Variants in CDK17 observed in about 807,000 individuals in gnomAD.
The protein encoded by CDK17 is cyclin-dependent kinase 17.
In CDK17, 24 loss-of-function variants were observed where a neutral mutation model predicts 77.6. The ratio of observed to expected loss-of-function variants is 0.31; its 90% CI spans 0.22 to 0.44. CDK17 has a LOEUF of 0.44. CDK17 is among the 20% of genes least tolerant of loss of function. The pLI is 1.00. For missense variants in CDK17, 429 were observed against 622.5 expected (o/e 0.69, Z 3.31); for synonymous variants, 203 against 210.4 (o/e 0.96, Z 0.30).
chr12:96,280,662 C>A (rs561399124), intron 16 of CDK17, 146 bp downstream of exon 16: 2 of 1,433,704 alleles, frequency 1.4e-6, no homozygotes, highest in Non-Finnish European at 1.8e-6. Flanking sequence ...AAAGTGAGTA[C>A]GTGCAATGCT....
At chr12:96,303,536 GC>G (rs1008341861) in intron 5 of CDK17, 3 of 151,984 alleles carry the variant, frequency 2.0e-5, no homozygotes, top group Non-Finnish European at 2.9e-5. Flanking sequence ...TAATATAAGA[GC>G]CCCCTTAATG....
At chr12:96,305,263 T>C (rs1191692102) in intron 5 of CDK17, among the ~76,000 whole-genome samples, 2 of 152,210 alleles carry the variant, frequency 1.3e-5, no homozygotes, top group Non-Finnish European at 2.9e-5. Context: ...CTAAATGTAA[T>C]GTGGTATCCT....
intron 1 of CDK17, among the ~76,000 whole-genome samples, chr12:96,392,046 G>A (rs1190362567): frequency 6.6e-6 from 1 of 151,828 alleles, no homozygotes; most frequent in East Asian, 1.9e-4. Context: ...AAGAAATACA[G>A]AAATGAAAAA....
chr12:96,368,874 T>C (rs1227873199), intron 1 of CDK17, among the ~76,000 whole-genome samples: 6 of 134,802 alleles, frequency 4.5e-5, no homozygotes, highest in Admixed American at 8.6e-5. Flanking sequence ...AAACCCTAGG[T>C]AACTACAAAG....
At chr12:96,298,826 T>C in intron 7 of CDK17, 43 bp downstream of exon 7, 1 of 1,031,686 alleles carries the variant, frequency 9.7e-7, no homozygotes, top group East Asian at 2.4e-5. Context: ...TAGACACTTA[T>C]TCCACCACTT....
At chr12:96,386,837 C>A in intron 1 of CDK17, 1 of 162,346 alleles carries the variant, frequency 6.2e-6, no homozygotes. Context: ...GAGACATTAC[C>A]ACCAGGACCC....
rs372691382 is a variant in CDK17, at chr12:96,300,394, CTTT to C, written c.544-37_544-35del. On this transcript the variant is annotated intron_variant, in intron 5 of 16. Coordinates refer to ENST00000261211, the MANE Select transcript of CDK17 (RefSeq NM_002595.5). Reference sequence around the variant, plus strand: ...TAAACAATGAAAAATGTAGTATTTACTTTTTTTTTTTTTTTTTGAGACAGCATC... The same window carrying C: ...TAAACAATGAAAAATGTAGTATTTACTTTTTTTTTTTTTTGAGACAGCATC... The C allele has an allele frequency of 6.7e-3, 6,075 of 907,806 alleles. 23 individuals carry two copies. The highest frequency in any genetic ancestry group is 0.013 in the Admixed American group (515 of 38,204). 56.2% of individuals were successfully genotyped at this position (907,806 alleles called of 1,614,324 possible).
At chr12:96,302,851 T>C (rs947536129) in intron 5 of CDK17, among the ~76,000 whole-genome samples, 2 of 152,134 alleles carry the variant, frequency 1.3e-5, no homozygotes, top group African/African-American at 2.4e-5. Flanking sequence ...ATTTGAATAA[T>C]CAGTCTATAA....
chr12:96,287,232 C>T (rs982858424), intron 11 of CDK17, among the ~76,000 whole-genome samples: 4 of 151,998 alleles, frequency 2.6e-5, no homozygotes, highest in East Asian at 1.9e-4. Context: ...TGATTCAAGA[C>T]GTTTTGATGC....
At chr12:96,326,197 T>C (rs769745528) in intron 2 of CDK17, among the ~76,000 whole-genome samples, 9 of 152,030 alleles carry the variant, frequency 5.9e-5, no homozygotes, top group Non-Finnish European at 1.0e-4. Flanking sequence ...TTCTGGAGAA[T>C]ATAGAAAAAA....
At chr12:96,285,305 A>G (rs925284828) in intron 13 of CDK17, among the ~76,000 whole-genome samples, 3 of 152,184 alleles carry the variant, frequency 2.0e-5, no homozygotes, top group Non-Finnish European at 4.4e-5. Context: ...TTTTGGTGTC[A>G]TAACTGTTTT....
At chr12:96,346,586 C>A (rs150462765) in intron 1 of CDK17, among the ~76,000 whole-genome samples, 157 of 151,252 alleles carry the variant, frequency 1.0e-3, no homozygotes, top group African/African-American at 3.4e-3. Context: ...CAAGATTCCA[C>A]CACTGCACTC....
At position 96,297,324 on chromosome 12, in the gene CDK17, G is replaced by C; in HGVS notation, c.819C>G (p.Asp273Glu). Residue 273 changes from aspartate to glutamate, a missense_variant, in exon 9 of 17, where the codon GAC (aspartate) becomes GAG (glutamate). Asp to Glu is a conservative substitution (Grantham distance 45). Transcript: ENST00000261211. Reference sequence around the variant, plus strand: ...CACAGTCATCCATGTACTGTTTCAGGTCTTTATCCTGGAAAAACACAGCAC... The same window carrying C: ...CACAGTCATCCATGTACTGTTTCAGCTCTTTATCCTGGAAAAACACAGCAC... ...LTLVFEYLDK[D>E]LKQYMDDCGN... The C allele has an allele frequency of 1.2e-6, 2 of 1,607,174 alleles. No homozygotes were observed. The highest frequency in any genetic ancestry group is 1.7e-6 in the Non-Finnish European group (2 of 1,174,832).
intron 1 of CDK17, among the ~76,000 whole-genome samples, chr12:96,377,253 T>G (rs1953793997): frequency 6.6e-6 from 1 of 152,194 alleles, no homozygotes; most frequent in African/African-American, 2.4e-5. Context: ...AAGACTTTTC[T>G]AAATATATTT....
chr12:96,368,373 T>G (rs377455251), intron 1 of CDK17, among the ~76,000 whole-genome samples: 5 of 152,158 alleles, frequency 3.3e-5, no homozygotes, highest in African/African-American at 1.2e-4. Context: ...TATCCTGAGG[T>G]CAGGAGCTTC....
At chr12:96,394,373 A>G (rs1377456750) in intron 1 of CDK17, among the ~76,000 whole-genome samples, 5 of 152,240 alleles carry the variant, frequency 3.3e-5, no homozygotes, top group Admixed American at 6.5e-5. Context: ...TGAGAAGGCC[A>G]AAGTTAGTAA....
At chr12:96,374,404 G>A (rs1468407613) in intron 1 of CDK17, among the ~76,000 whole-genome samples, 1 of 152,142 alleles carries the variant, frequency 6.6e-6, no homozygotes, top group Non-Finnish European at 1.5e-5. Context: ...AGAACTTTGT[G>A]TTCTGACCCC....
At chr12:96,391,264 C>G (rs889001587) in intron 1 of CDK17, among the ~76,000 whole-genome samples, 2 of 148,600 alleles carry the variant, frequency 1.3e-5, no homozygotes, top group Non-Finnish European at 3.0e-5. Flanking sequence ...GATTTTGGGG[C>G]GGGGGGTTGT....
At chr12:96,315,203 AT>A (rs1156971062) in intron 3 of CDK17, among the ~76,000 whole-genome samples, 1 of 152,226 alleles carries the variant, frequency 6.6e-6, no homozygotes. Context: ...TTTTAATAAT[AT>A]TTACATATAA....
Sources: allele counts gnomAD v4.1 joint callset (sites outside exome capture counted in the v4.1 genomes callset), GRCh38; gene constraint gnomAD v4.1.1; transcripts MANE v1.5; gene names NCBI Gene and HGNC (gene_info 2026-07-23, HGNC 2026-07-21).